The following VPS50 variants were observed in gnomAD, a reference collection of about 807,000 sequenced individuals.
VPS50 encodes VPS50 subunit of EARP/GARPII complex, also known as syndetin.
In VPS50, 70 loss-of-function variants were observed where a neutral mutation model predicts 139.7. That is an observed-to-expected ratio of 0.50 (90% confidence interval 0.41 to 0.61). VPS50 has a LOEUF of 0.61. Among genes scored for constraint, VPS50 ranks in the 20% least tolerant of loss-of-function variants. The probability of loss-of-function intolerance (pLI) is 0.00; values close to 1 mark genes in which losing one functional copy is unlikely to be tolerated. For synonymous variants in VPS50, 365 were observed against 376.7 expected, an observed-to-expected ratio of 0.97 and a Z score of 0.36; for missense variants, 921 against 1,133.7, an observed-to-expected ratio of 0.81 and a Z score of 2.69.
At chr7:93,288,972 A>C (rs562377660) in intron 12 of VPS50, among the ~76,000 whole-genome samples, 4 of 147,866 alleles carry the variant, frequency 2.7e-5, no homozygotes, top group Admixed American at 6.8e-5. Context: ...CAAACAGTAC[A>C]TTTTTTTTTT....
chr7:93,314,153 A>G (rs1797353519), intron 20 of VPS50, among the ~76,000 whole-genome samples: 1 of 152,228 alleles, frequency 6.6e-6, no homozygotes, highest in Non-Finnish European at 1.5e-5. Flanking sequence ...GGCAGAGGTC[A>G]TGCTTCTTCC....
At chr7:93,356,235 C>A in intron 27 of VPS50, 155 bp downstream of exon 27, 1 of 411,538 alleles carries the variant, frequency 2.4e-6, no homozygotes. Context: ...TTGCCTTATT[C>A]AGATTAAGGG....
Position 93,269,609 on chromosome 7 carries a change from T to C in VPS50, c.660-1611T>C, listed in dbSNP as rs561094649. On this transcript the variant is annotated intron_variant, in intron 9 of 27. Transcript: ENST00000305866. ...TGGTTTTACTTTTCTGACAGATTGC[T>C]ATCTATGTCTATCTATATCTCACTC... Among the ~76,000 whole-genome samples, 4 of 152,228 alleles carry C rather than the reference T, an allele frequency of 2.6e-5. No homozygotes were observed. The South Asian group carries it at 8.3e-4, about 31-fold the overall frequency.
Position 93,305,989 on chromosome 7 carries a change from C to G in VPS50, c.1614C>G (p.Val538=), listed in dbSNP as rs781501764. 6.2e-7 allele frequency: 1 copy of G among 1,610,640 alleles called. No individual in the cohort carries two copies. The highest frequency in any genetic ancestry group is 8.5e-7 in the Non-Finnish European group (1 of 1,177,234). ...ACAAAGATGAAGAAACAGAAGATGT[C>G]TTAGCTTCTAATGGGGTATGTGGTG... The part of the protein sequence containing the change: ...ANHKDEETED[V]LASNGYESDE... The change falls in exon 18 of 28, where the codon GTC becomes GTG. Residue 538 remains valine (V), a synonymous_variant. Transcript: ENST00000305866.
chr7:93,263,400 G>T (rs1795746532), intron 9 of VPS50, among the ~76,000 whole-genome samples: 1 of 152,176 alleles, frequency 6.6e-6, no homozygotes, highest in Admixed American at 6.5e-5. Context: ...ATTTTTGAGA[G>T]AATCACCCCA....
At chr7:93,296,991 G>T (rs965083666) in intron 15 of VPS50, 154 bp from the exon 16 acceptor site, 4 of 1,438,208 alleles carry the variant, frequency 2.8e-6, no homozygotes, top group African/African-American at 1.5e-5. Context: ...TGCCCTTTGG[G>T]TGTTTGTAAA....
At chr7:93,301,308 A>G (rs1177214226) in intron 16 of VPS50, among the ~76,000 whole-genome samples, 1 of 152,008 alleles carries the variant, frequency 6.6e-6, no homozygotes, top group Non-Finnish European at 1.5e-5. Flanking sequence ...AAAAAAAAAA[A>G]AAAAGAAATA....
At chr7:93,337,135 T>C (rs1249100969) in intron 22 of VPS50, among the ~76,000 whole-genome samples, 1 of 152,222 alleles carries the variant, frequency 6.6e-6, no homozygotes, top group East Asian at 1.9e-4. Context: ...TTCCTAAATA[T>C]AAACACAGAA....
intron 22 of VPS50, among the ~76,000 whole-genome samples, chr7:93,339,309 T>C (rs1326685220): frequency 2.0e-5 from 3 of 148,968 alleles, no homozygotes; most frequent in Non-Finnish European, 3.0e-5. Context: ...AGAGACACTG[T>C]CTTTAGGAGA....
At chr7:93,318,851 C>G (rs1040035505) in intron 20 of VPS50, among the ~76,000 whole-genome samples, 4 of 152,174 alleles carry the variant, frequency 2.6e-5, no homozygotes, top group African/African-American at 9.6e-5. Flanking sequence ...CATCGGTTCT[C>G]TTTTCTAGGA....
At chr7:93,334,505 G>A (rs1309533344) in intron 22 of VPS50, among the ~76,000 whole-genome samples, 1 of 152,114 alleles carries the variant, frequency 6.6e-6, no homozygotes, top group East Asian at 1.9e-4. Context: ...TCGAAGACCA[G>A]GCATAGGATT....
chr7:93,313,120 G>C (rs1167974068), intron 20 of VPS50, among the ~76,000 whole-genome samples: 1 of 152,140 alleles, frequency 6.6e-6, no homozygotes. Context: ...TGGAACATGG[G>C]GAGAAGAGCA....
At chr7:93,318,171 T>G (rs1254679608) in intron 20 of VPS50, among the ~76,000 whole-genome samples, 1 of 152,018 alleles carries the variant, frequency 6.6e-6, no homozygotes, top group African/African-American at 2.4e-5. Flanking sequence ...TTTATATTTT[T>G]AACATTTAAA....
intron 2 of VPS50, among the ~76,000 whole-genome samples, chr7:93,243,053 C>T (rs138062547): frequency 1.6e-4 from 25 of 151,794 alleles, no homozygotes; most frequent in African/African-American, 6.0e-4. Flanking sequence ...CTGTATAAAC[C>T]ATCTGGTACA....
intron 12 of VPS50, among the ~76,000 whole-genome samples, chr7:93,279,234 ATTTAT>A (rs1480072869): frequency 1.3e-5 from 2 of 152,182 alleles, no homozygotes; most frequent in Admixed American, 6.5e-5. Flanking sequence ...TAACCTGTTA[ATTTAT>A]TTTATAATAT....
intron 16 of VPS50, among the ~76,000 whole-genome samples, chr7:93,303,251 TGAGA>T (rs1197341685): frequency 6.6e-6 from 1 of 151,938 alleles, no homozygotes; most frequent in Non-Finnish European, 1.5e-5. Context: ...AGTAAACATT[TGAGA>T]GAGTTTTTCT....
At chr7:93,241,807 A>G (rs1186716190) in intron 2 of VPS50, among the ~76,000 whole-genome samples, 2 of 152,046 alleles carry the variant, frequency 1.3e-5, no homozygotes, top group Admixed American at 6.6e-5. Flanking sequence ...TTTTTTCACA[A>G]TTTAGATAAG....
chr7:93,283,077 G>A (rs1178507700), intron 12 of VPS50, among the ~76,000 whole-genome samples: 1 of 152,026 alleles, frequency 6.6e-6, no homozygotes. Flanking sequence ...ATTGTGAGGA[G>A]TCTGAAATTT....
chr7:93,326,442 TATA>T (rs1490857119), intron 21 of VPS50, among the ~76,000 whole-genome samples: 2 of 125,332 alleles, frequency 1.6e-5, no homozygotes, highest in South Asian at 2.5e-4. Context: ...AAACTTAAAG[TATA>T]ATAATAATAA....
Sources: allele counts gnomAD v4.1 joint callset (sites outside exome capture counted in the v4.1 genomes callset), GRCh38; gene constraint gnomAD v4.1.1; transcripts MANE v1.5; gene names NCBI Gene and HGNC (gene_info 2026-07-23, HGNC 2026-07-21).